Variants in PALM2AKAP2 observed in about 807,000 individuals in gnomAD.
PALM2AKAP2 encodes the protein PALM2-AKAP2 fusion protein.
A neutral mutation model predicts 71.5 loss-of-function variants in PALM2AKAP2; 37 were observed. The observed-to-expected ratio is 0.52, with a 90% confidence interval of 0.40 to 0.68. PALM2AKAP2 has a LOEUF of 0.68. Ranked by LOEUF, PALM2AKAP2 falls within the 30% of genes least tolerant of loss-of-function variation. The probability of loss-of-function intolerance (pLI) is 0.00; values close to 1 mark genes in which losing one functional copy is unlikely to be tolerated. For synonymous variants in PALM2AKAP2, 468 were observed against 478.8 expected (o/e 0.98, Z 0.29); for missense variants, 1,224 against 1,191.8 (o/e 1.03, Z -0.40).
intron 1 of PALM2AKAP2, among the ~76,000 whole-genome samples, chr9:109,767,973 AAAGG>A (rs1302372252): frequency 3.5e-5 from 4 of 113,156 alleles, no homozygotes; most frequent in South Asian, 2.6e-4. Flanking sequence ...AAGGAAGGAG[AAAGG>A]AAGGAAGGAA....
chr9:109,902,393 T>A (rs545802726), intron 3 of PALM2AKAP2, among the ~76,000 whole-genome samples: 1 of 152,218 alleles, frequency 6.6e-6, no homozygotes, highest in African/African-American at 2.4e-5. Flanking sequence ...AGAGCCTCCA[T>A]GGGAGCATGG....
At chr9:109,669,604 A>G (rs947726072) in intron 1 of PALM2AKAP2, among the ~76,000 whole-genome samples, 7 of 152,108 alleles carry the variant, frequency 4.6e-5, no homozygotes, top group Non-Finnish European at 8.8e-5. Context: ...GTTTCTAATT[A>G]CAAATTCAAT....
At chr9:109,672,639 T>C (rs1165458315) in intron 1 of PALM2AKAP2, among the ~76,000 whole-genome samples, 1 of 152,150 alleles carries the variant, frequency 6.6e-6, no homozygotes, top group Admixed American at 6.6e-5. Context: ...TAGGGAGAAG[T>C]CTCTCCTGCT....
intron 1 of PALM2AKAP2, among the ~76,000 whole-genome samples, chr9:109,711,723 A>G (rs1440465293): frequency 6.6e-6 from 1 of 152,224 alleles, no homozygotes; most frequent in Non-Finnish European, 1.5e-5. Context: ...GGCTCCACTT[A>G]TGGCACAGAG....
At chr9:109,645,139 G>C (rs1020237144) in intron 1 of PALM2AKAP2, among the ~76,000 whole-genome samples, 1 of 152,178 alleles carries the variant, frequency 6.6e-6, no homozygotes, top group Admixed American at 6.5e-5. Context: ...ATTTACAAAG[G>C]AAAGAGGTTT....
exon 2 of PALM2AKAP2, chr9:110,137,698 C>T: frequency 6.2e-7 from 1 of 1,614,180 alleles, no homozygotes; most frequent in African/African-American, 1.3e-5. Context: ...ATACCACAGT[C>T]CTGGAGACCC....
At chr9:109,730,033 G>A (rs1279495073) in intron 1 of PALM2AKAP2, among the ~76,000 whole-genome samples, 1 of 152,204 alleles carries the variant, frequency 6.6e-6, no homozygotes, top group Non-Finnish European at 1.5e-5. Context: ...TGCTAAAGTG[G>A]TGAGCAAATG....
At chr9:109,902,396 G>A (rs1830349745) in intron 3 of PALM2AKAP2, among the ~76,000 whole-genome samples, 1 of 152,234 alleles carries the variant, frequency 6.6e-6, no homozygotes, top group Non-Finnish European at 1.5e-5. Flanking sequence ...GCCTCCATGG[G>A]AGCATGGGAG....
At chr9:110,137,752 A>C (rs372716279) in exon 2 of PALM2AKAP2, 22 of 1,614,094 alleles carry the variant, frequency 1.4e-5, no homozygotes, top group Admixed American at 5.0e-5. Context: ...ACAGCGGGGC[A>C]TCCAATGAGA....
At chr9:110,125,471 A>G (rs1268998074) in intron 1 of PALM2AKAP2, 8 of 981,172 alleles carry the variant, frequency 8.2e-6, no homozygotes, top group Admixed American at 6.2e-5. Context: ...GCCCACGGTG[A>G]CATCACAGTC....
intron 1 of PALM2AKAP2, among the ~76,000 whole-genome samples, chr9:109,831,749 A>C (rs1407660797): frequency 6.6e-6 from 1 of 152,194 alleles, no homozygotes; most frequent in Admixed American, 6.5e-5. Context: ...TACATAAAAT[A>C]ATCAATTCAT....
At chr9:109,923,542 A>G (rs1275934333) in intron 3 of PALM2AKAP2, among the ~76,000 whole-genome samples, 193 bp from the exon 4 acceptor site, 2 of 152,200 alleles carry the variant, frequency 1.3e-5, no homozygotes, top group African/African-American at 4.8e-5. Context: ...ATTTCCCTTG[A>G]CCAATGTCTG....
chr9:109,912,331 A>T (rs1007431487), intron 3 of PALM2AKAP2, among the ~76,000 whole-genome samples: 2 of 152,074 alleles, frequency 1.3e-5, no homozygotes, highest in Admixed American at 6.5e-5. Context: ...AGAGGAGGAA[A>T]TGGGCTTGAG....
intron 1 of PALM2AKAP2, among the ~76,000 whole-genome samples, chr9:109,643,102 GGAGT>G (rs748627401): frequency 1.3e-5 from 2 of 151,796 alleles, no homozygotes; most frequent in African/African-American, 2.4e-5. Flanking sequence ...GGGGAGGGAG[GGAGT>G]GAGGGAGGGA....
At chr9:109,898,137 T>C (rs541768185) in intron 3 of PALM2AKAP2, among the ~76,000 whole-genome samples, 3 of 152,210 alleles carry the variant, frequency 2.0e-5, no homozygotes, top group Non-Finnish European at 4.4e-5. Flanking sequence ...TTGTTGTTAT[T>C]GTTGTTGTTG....
intron 1 of PALM2AKAP2, among the ~76,000 whole-genome samples, chr9:109,861,368 A>G (rs1269293898): frequency 6.6e-6 from 1 of 152,102 alleles, no homozygotes; most frequent in Non-Finnish European, 1.5e-5. Context: ...TTCTCATCAT[A>G]TTTATTGAAC....
intron 1 of PALM2AKAP2, among the ~76,000 whole-genome samples, chr9:109,790,126 C>A (rs1304702918): frequency 6.6e-6 from 1 of 152,192 alleles, no homozygotes; most frequent in East Asian, 1.9e-4. Context: ...AAAGCCCCAG[C>A]TGTAGATGAA....
At chr9:109,819,707 G>GTGTA (rs1554717237) in intron 1 of PALM2AKAP2, among the ~76,000 whole-genome samples, 2 of 119,112 alleles carry the variant, frequency 1.7e-5, no homozygotes, top group Non-Finnish European at 3.9e-5. Context: ...GTGTGTGTAT[G>GTGTA]TGTGTGTGTG....
At chr9:109,708,940 T>C (rs1346524868) in intron 1 of PALM2AKAP2, among the ~76,000 whole-genome samples, 6 of 152,118 alleles carry the variant, frequency 3.9e-5, no homozygotes, top group Non-Finnish European at 8.8e-5. Context: ...TGCAGGAGAA[T>C]TCAGAGGACT....
Sources: allele counts gnomAD v4.1 joint callset (sites outside exome capture counted in the v4.1 genomes callset), GRCh38; gene constraint gnomAD v4.1.1; transcripts MANE v1.5; gene names NCBI Gene and HGNC (gene_info 2026-07-23, HGNC 2026-07-21).